DYNC2I1: variants seen among roughly 807,000 people sequenced by gnomAD.
DYNC2I1 encodes cytoplasmic dynein 2 intermediate chain 1.
Under a neutral mutation model 133.4 loss-of-function variants are expected in DYNC2I1, and 89 were observed. The observed-to-expected ratio is 0.67, with a 90% CI of 0.56 to 0.80. The LOEUF (loss-of-function observed/expected upper bound fraction) is 0.80, where lower values mean the gene tolerates loss of function less well. Ranked by LOEUF, DYNC2I1 falls within the 30% of genes least tolerant of loss-of-function variation. The probability of loss-of-function intolerance (pLI) is 0.00; values close to 1 mark genes in which losing one functional copy is unlikely to be tolerated. For missense variants in DYNC2I1, 1,291 were observed against 1,314.5 expected, an observed-to-expected ratio of 0.98 and a Z score of 0.28; for synonymous variants, 504 against 484.3, an observed-to-expected ratio of 1.04 and a Z score of -0.54.
chr7:158,903,882 A>G (rs1356681554), intron 10 of DYNC2I1: 1 of 152,202 alleles, frequency 6.6e-6, no homozygotes, highest in African/African-American at 2.4e-5. Flanking sequence ...GCTTAGTGTT[A>G]TATCTTTATT....
intron 4 of DYNC2I1, among the ~76,000 whole-genome samples, chr7:158,878,119 C>T (rs377039897): frequency 8.0e-5 from 11 of 137,862 alleles, no homozygotes; most frequent in Non-Finnish European, 1.4e-4. Context: ...TGTGGGGAGG[C>T]GAGGAGGGGA....
upstream of DYNC2I1, among the ~76,000 whole-genome samples, chr7:158,851,604 C>T (rs916031234): frequency 9.9e-5 from 15 of 152,196 alleles, no homozygotes; most frequent in African/African-American, 7.2e-5. Flanking sequence ...TTGGTTCTTG[C>T]TGCACTTTAT....
chr7:158,912,837 A>C, intron 12 of DYNC2I1, 148 bp from the exon 13 acceptor site: 1 of 570,472 alleles, frequency 1.8e-6, no homozygotes, highest in Non-Finnish European at 3.1e-6. Flanking sequence ...ATCTATATCG[A>C]ACGTTTAAGC....
Position 158,934,136 on chromosome 7 carries a change from C to A in DYNC2I1, c.2554C>A (p.His852Asn). 6.2e-7 allele frequency: 1 copy of A among 1,608,120 alleles called. No individual in the cohort carries two copies. Among genetic ancestry groups the A allele is most frequent in the South Asian group, 1.1e-5 (1 of 89,402 alleles). The change falls in exon 22 of 25, where the codon CAT becomes AAT. Residue 852 changes from histidine (H) to asparagine (N), a missense_variant. Transcript: ENST00000407559. ...ALIQLGDSLS[H>N]KGNEFWGTTQ... is the part of the protein sequence containing the mutation. ...GTTACTTTATTTTTTCAGTCTTTCC[C>A]ATAAAGGTAATGAATTTTGGGGCAC... is the stretch of plus-strand genomic sequence containing the variant.
At chr7:158,857,234 G>A (rs1841352053) in intron 1 of DYNC2I1, among the ~76,000 whole-genome samples, 2 of 152,188 alleles carry the variant, frequency 1.3e-5, no homozygotes, top group African/African-American at 4.8e-5. Context: ...CACTTAACAT[G>A]TCTTGTTTCC....
chr7:158,931,268 A>G (rs1156707146), intron 21 of DYNC2I1, among the ~76,000 whole-genome samples: 1 of 152,166 alleles, frequency 6.6e-6, no homozygotes, highest in Admixed American at 6.6e-5. Flanking sequence ...TTTATTTCCT[A>G]AAGTATCTTT....
In DYNC2I1 at chr7:158,941,916, T is replaced by C. The variant is rs780633178; in HGVS notation, c.2779-9T>C. The C allele has an allele frequency of 6.3e-7, 1 of 1,589,782 alleles. No homozygotes were observed. The highest frequency in any genetic ancestry group is 8.6e-7 in the Non-Finnish European group (1 of 1,168,136). ...CATGCTCAGCAGTGTTCTTTCTTCC[T>C]GGTCATAGGCCGGCTGTTCGGACGG... On this transcript the variant is annotated splice_polypyrimidine_tract_variant and intron_variant, in intron 23 of 24. Coordinates refer to ENST00000407559, the MANE Select transcript of DYNC2I1 (RefSeq NM_018051.5).
At chr7:158,865,568 C>T (rs1208640997) in intron 1 of DYNC2I1, among the ~76,000 whole-genome samples, 1 of 152,200 alleles carries the variant, frequency 6.6e-6, no homozygotes, top group Non-Finnish European at 1.5e-5. Flanking sequence ...AGACCGCAGG[C>T]TCCAGTTCTC....
intron 8 of DYNC2I1, among the ~76,000 whole-genome samples, chr7:158,897,683 C>A (rs1158361794): frequency 6.6e-6 from 1 of 151,852 alleles, no homozygotes; most frequent in Non-Finnish European, 1.5e-5. Flanking sequence ...TTGGTATTTT[C>A]AAAAAAGACA....
intron 11 of DYNC2I1, among the ~76,000 whole-genome samples, chr7:158,908,688 C>T (rs1847082093): frequency 6.6e-6 from 1 of 152,114 alleles, no homozygotes; most frequent in Admixed American, 6.5e-5. Context: ...TCAGCAGGGC[C>T]CAGGAGCAGC....
intron 8 of DYNC2I1, among the ~76,000 whole-genome samples, chr7:158,896,986 T>C (rs1845815773): frequency 1.9e-5 from 2 of 105,724 alleles, no homozygotes; most frequent in South Asian, 2.8e-4. Flanking sequence ...GTATAATTTC[T>C]TTTTTTTTTT....
In DYNC2I1 at chr7:158,876,960, A is replaced by C. The variant is rs77773797; in HGVS notation, c.573+269A>C. On this transcript the variant is annotated intron_variant, in intron 4 of 24. Transcript: ENST00000407559. ...CAAAAACTGTCTAATCCTCACCCAC[A>C]GGTAAGTATTGATAGCATTTAGGTA... Among the ~76,000 whole-genome samples the C allele has an allele frequency of 6.2e-3, 943 of 152,384 alleles. 62 individuals are homozygous for C. The East Asian group carries it at 0.13, about 21-fold the overall frequency.
At chr7:158,947,800 A>C (rs1851934551), downstream of DYNC2I1, among the ~76,000 whole-genome samples, 1 of 152,202 alleles carries the variant, frequency 6.6e-6, no homozygotes, top group Non-Finnish European at 1.5e-5. Flanking sequence ...GAGGAGGCCC[A>C]GCTCTCCCCA....
At chr7:158,909,688 C>T (rs1022719565) in intron 11 of DYNC2I1, among the ~76,000 whole-genome samples, 1 of 152,108 alleles carries the variant, frequency 6.6e-6, no homozygotes, top group Admixed American at 6.5e-5. Context: ...CCTGAAGAGC[C>T]GAGGTCCTGG....
intron 7 of DYNC2I1, among the ~76,000 whole-genome samples, chr7:158,889,108 T>C (rs567067293): frequency 7.2e-6 from 1 of 139,148 alleles, no homozygotes; most frequent in South Asian, 2.3e-4. Flanking sequence ...TGACATGGGG[T>C]CTCGCTTTGT....
chr7:158,910,150 C>T (rs996011800), intron 11 of DYNC2I1, among the ~76,000 whole-genome samples: 2 of 152,238 alleles, frequency 1.3e-5, no homozygotes, highest in African/African-American at 4.8e-5. Context: ...AAGGATTTGA[C>T]CCCGGGCACA....
In DYNC2I1 at chr7:158,914,294, A is replaced by G; in HGVS notation, c.1764A>G (p.Leu588=). 2.5e-6 allele frequency: 4 copies of G among 1,612,722 alleles called. No individual in the cohort carries two copies. The highest frequency in any genetic ancestry group is 3.3e-5 in the Admixed American group (2 of 59,866). The change falls in exon 14 of 25, where the codon TTA becomes TTG. Residue 588 remains leucine, a synonymous_variant. Transcript: ENST00000407559. ...VVMPKIDTPR[L]CSFLRAACQV... is the part of the protein sequence containing the mutation. ...TGCCAAAGATTGATACTCCAAGGTT[A>G]TGTAGCTTTCTGCGGGCTGCTTGTC...
At chr7:158,848,979 AGG>A in the DYNC2I1 span, among the ~76,000 whole-genome samples, 1 of 152,198 alleles carries the variant, frequency 6.6e-6, no homozygotes, top group African/African-American at 2.4e-5. Context: ...CCAGCATTAA[AGG>A]GGCCCACACA....
the DYNC2I1 span, among the ~76,000 whole-genome samples, chr7:158,844,326 C>T: frequency 6.6e-6 from 1 of 152,148 alleles, no homozygotes; most frequent in Admixed American, 6.5e-5. Flanking sequence ...GTTTACTAAG[C>T]CAGACCTGGA....
Sources: gnomAD v4.1 joint callset for allele counts (sites outside exome capture counted in the v4.1 genomes callset) on GRCh38, gnomAD v4.1.1 for gene constraint, MANE v1.5 for transcripts, NCBI Gene and HGNC (gene_info 2026-07-23, HGNC 2026-07-21) for gene names.